Variants in XKR9 observed in about 807,000 individuals in gnomAD.
XKR9 encodes the protein XK-related protein 9.
XKR9 carries 32 observed loss-of-function variants against 32.0 expected under a neutral mutation model. The ratio of observed to expected loss-of-function variants is 1.00; its 90% CI spans 0.76 to 1.34. XKR9 has a LOEUF of 1.34. Among genes scored for constraint, XKR9 ranks in the 40% most tolerant of loss-of-function variants. XKR9 has a pLI of 0.00. For synonymous variants in XKR9, 168 were observed against 143.4 expected (o/e 1.17, Z -1.22); for missense variants, 546 against 429.7 (o/e 1.27, Z -2.39).
the XKR9 span, among the ~76,000 whole-genome samples, chr8:70,979,887 G>T: frequency 2.0e-5 from 3 of 152,248 alleles, no homozygotes; most frequent in Admixed American, 1.3e-4. Context: ...AAGGCAGGCG[G>T]GCCTCCTTGA....
intron 3 of XKR9, among the ~76,000 whole-genome samples, chr8:70,704,110 A>C (rs761147704): frequency 6.6e-6 from 1 of 152,124 alleles, no homozygotes; most frequent in African/African-American, 2.4e-5. Context: ...TGAACCCGGG[A>C]GGTGGAGCTT....
chr8:70,802,653 C>T, the XKR9 span, among the ~76,000 whole-genome samples: 5 of 152,188 alleles, frequency 3.3e-5, no homozygotes, highest in Non-Finnish European at 5.9e-5. Flanking sequence ...CCCTTAAGGA[C>T]ACATTGTAAG....
At chr8:70,883,529 T>C in the XKR9 span, among the ~76,000 whole-genome samples, 1 of 152,104 alleles carries the variant, frequency 6.6e-6, no homozygotes, top group East Asian at 1.9e-4. Flanking sequence ...GTAGATCTAT[T>C]TTTAGTTCCT....
chr8:71,054,603 C>T, the XKR9 span, among the ~76,000 whole-genome samples: 1 of 152,190 alleles, frequency 6.6e-6, no homozygotes, highest in Admixed American at 6.5e-5. Flanking sequence ...TTCCATTACT[C>T]ATGAGGCTAC....
chr8:70,680,574 G>A (rs1819041203), intron 2 of XKR9, among the ~76,000 whole-genome samples: 1 of 151,964 alleles, frequency 6.6e-6, no homozygotes, highest in Admixed American at 6.6e-5. Context: ...TTTGTGGGTA[G>A]GTCATATTTT....
chr8:70,921,233 G>A, the XKR9 span, among the ~76,000 whole-genome samples: 15 of 152,344 alleles, frequency 9.8e-5, no homozygotes, highest in African/African-American at 3.6e-4. Flanking sequence ...TTAAAGGCAA[G>A]GAGGCTGCTA....
chr8:70,970,139 G>A, the XKR9 span, among the ~76,000 whole-genome samples: 6 of 152,116 alleles, frequency 3.9e-5, no homozygotes, highest in Admixed American at 1.3e-4. Flanking sequence ...TTATCAGCTC[G>A]TTGATTGATG....
the XKR9 span, among the ~76,000 whole-genome samples, chr8:70,939,894 T>G: frequency 3.9e-5 from 6 of 152,152 alleles, no homozygotes; most frequent in African/African-American, 1.4e-4. Context: ...TTTTCATGTG[T>G]ATATATTAAT....
the XKR9 span, among the ~76,000 whole-genome samples, chr8:70,811,874 T>A: frequency 6.6e-6 from 1 of 152,034 alleles, no homozygotes; most frequent in Admixed American, 6.6e-5. Context: ...AAGGAGGAAC[T>A]GGTACCATTC....
At chr8:70,998,345 C>T in the XKR9 span, among the ~76,000 whole-genome samples, 1 of 152,190 alleles carries the variant, frequency 6.6e-6, no homozygotes, top group Admixed American at 6.5e-5. Context: ...TGGTGAAGTG[C>T]TTCCTCTACT....
At chr8:71,010,148 T>C in the XKR9 span, among the ~76,000 whole-genome samples, 3 of 152,150 alleles carry the variant, frequency 2.0e-5, no homozygotes, top group East Asian at 5.8e-4. Flanking sequence ...TTGTAAGGAT[T>C]GTAGAAAAAT....
the XKR9 span, among the ~76,000 whole-genome samples, chr8:71,034,576 C>T: frequency 1.3e-5 from 2 of 152,174 alleles, no homozygotes; most frequent in Non-Finnish European, 2.9e-5. Context: ...TCTAAGGCTG[C>T]TGTGCTGGGA....
chr8:70,853,916 C>G, the XKR9 span, among the ~76,000 whole-genome samples: 1 of 152,118 alleles, frequency 6.6e-6, no homozygotes, highest in Non-Finnish European at 1.5e-5. Context: ...TTTTCTTAAT[C>G]CAGTCTATCA....
chr8:70,861,008 G>A, the XKR9 span, among the ~76,000 whole-genome samples: 1 of 152,066 alleles, frequency 6.6e-6, no homozygotes, highest in Admixed American at 6.6e-5. Context: ...CCTTTATATT[G>A]TCTGTCTTCT....
chr8:70,694,835 A>C (rs781489507), intron 3 of XKR9, among the ~76,000 whole-genome samples: 1 of 152,140 alleles, frequency 6.6e-6, no homozygotes, highest in African/African-American at 2.4e-5. Context: ...CTAACATCCT[A>C]CTTTGCCATA....
chr8:70,857,593 G>C, the XKR9 span, among the ~76,000 whole-genome samples: 1 of 152,148 alleles, frequency 6.6e-6, no homozygotes, highest in East Asian at 1.9e-4. Flanking sequence ...GAAAAAGAGG[G>C]AATCCTCCCT....
the XKR9 span, among the ~76,000 whole-genome samples, chr8:70,906,261 C>A: frequency 6.6e-6 from 1 of 152,242 alleles, no homozygotes; most frequent in Non-Finnish European, 1.5e-5. Flanking sequence ...CCTCCTTGAG[C>A]TGCGGTGGCC....
At chr8:70,788,048 A>G (rs1807711641) in intron 2 of XKR9, among the ~76,000 whole-genome samples, 2 of 152,122 alleles carry the variant, frequency 1.3e-5, no homozygotes, top group African/African-American at 4.8e-5. Flanking sequence ...CAACCAATTC[A>G]ATGATAAATA....
chr8:70,997,584 A>G, the XKR9 span, among the ~76,000 whole-genome samples: 1 of 151,016 alleles, frequency 6.6e-6, no homozygotes, highest in African/African-American at 2.4e-5. Flanking sequence ...AGGCATAAGG[A>G]TTATACAATG....
Sources: gnomAD v4.1 joint callset for allele counts (sites outside exome capture counted in the v4.1 genomes callset) on GRCh38, gnomAD v4.1.1 for gene constraint, MANE v1.5 for transcripts, NCBI Gene and HGNC (gene_info 2026-07-23, HGNC 2026-07-21) for gene names.